Variants in PPARGC1A observed in about 807,000 individuals in gnomAD.
The protein encoded by PPARGC1A is PPARG coactivator 1 alpha, also known as peroxisome proliferator-activated receptor gamma coactivator 1-alpha.
Under a neutral mutation model 88.7 loss-of-function variants are expected in PPARGC1A, and 25 were observed. The ratio of observed to expected loss-of-function variants is 0.28; its 90% CI spans 0.21 to 0.39. The LOEUF is 0.39. Ranked by LOEUF, PPARGC1A falls within the 10% of genes least tolerant of loss-of-function variation. The pLI, the probability that PPARGC1A is intolerant of heterozygous loss-of-function variation, is 1.00. For missense variants in PPARGC1A, 880 were observed against 968.7 expected (o/e 0.91, Z 1.22); for synonymous variants, 363 against 355.6 (o/e 1.02, Z -0.24).
chr4:23,960,664 A>G, the PPARGC1A span, among the ~76,000 whole-genome samples: 201 of 152,278 alleles, frequency 1.3e-3, 1 homozygote, highest in Middle Eastern at 3.4e-3. Context: ...GAGCACCATC[A>G]TCTGGAACTG....
At chr4:24,304,584 C>A in the PPARGC1A span, among the ~76,000 whole-genome samples, 1 of 152,192 alleles carries the variant, frequency 6.6e-6, no homozygotes, top group Non-Finnish European at 1.5e-5. Context: ...GCTCCAGAGT[C>A]TATACCTGTA....
At chr4:24,425,430 C>T in the PPARGC1A span, among the ~76,000 whole-genome samples, 6 of 152,090 alleles carry the variant, frequency 3.9e-5, no homozygotes, top group Non-Finnish European at 8.8e-5. Flanking sequence ...ATTTATCCAC[C>T]ATTAGACAGT....
chr4:24,470,723 G>A, the PPARGC1A span, among the ~76,000 whole-genome samples: 1 of 151,800 alleles, frequency 6.6e-6, no homozygotes, highest in African/African-American at 2.4e-5. The surrounding 1 kb of genome is among the most constrained non-coding windows in gnomAD (Gnocchi z 5.8). Flanking sequence ...CCCACCCGCG[G>A]CGGCGGCCCG....
chr4:24,412,369 A>T, the PPARGC1A span, among the ~76,000 whole-genome samples: 1 of 152,136 alleles, frequency 6.6e-6, no homozygotes, highest in Non-Finnish European at 1.5e-5. Flanking sequence ...ACTAAAAACA[A>T]TGTTCATATT....
chr4:24,050,923 C>T, the PPARGC1A span, among the ~76,000 whole-genome samples: 372 of 152,240 alleles, frequency 2.4e-3, 3 homozygotes, highest in African/African-American at 8.2e-3. Context: ...CGCAGTGGCT[C>T]ACGCCTGTAA....
At chr4:23,887,151 C>T (rs1285354834) in intron 1 of PPARGC1A, among the ~76,000 whole-genome samples, 4 of 152,272 alleles carry the variant, frequency 2.6e-5, no homozygotes, top group African/African-American at 9.6e-5. Flanking sequence ...TGTATTGGTG[C>T]TATCTTGTCA....
At chr4:24,051,040 T>C in the PPARGC1A span, among the ~76,000 whole-genome samples, 7 of 151,400 alleles carry the variant, frequency 4.6e-5, no homozygotes, top group African/African-American at 1.7e-4. Flanking sequence ...ACAAAAAAAA[T>C]AGCCAGGCAT....
the PPARGC1A span, among the ~76,000 whole-genome samples, chr4:24,038,914 A>C: frequency 6.6e-6 from 1 of 152,172 alleles, no homozygotes; most frequent in Non-Finnish European, 1.5e-5. Context: ...CCCACAGAAC[A>C]CTGGCAGCTT....
the PPARGC1A span, among the ~76,000 whole-genome samples, chr4:24,178,630 A>G: frequency 6.6e-6 from 1 of 152,236 alleles, no homozygotes; most frequent in East Asian, 1.9e-4. Flanking sequence ...GCTAATGCAC[A>G]ATCTAAAATG....
At chr4:24,346,109 C>A in the PPARGC1A span, among the ~76,000 whole-genome samples, 4 of 152,052 alleles carry the variant, frequency 2.6e-5, no homozygotes, top group African/African-American at 9.7e-5. Context: ...TTAAACCATC[C>A]CTGCGTCCCT....
chr4:23,970,161 A>G, the PPARGC1A span, among the ~76,000 whole-genome samples: 3 of 152,330 alleles, frequency 2.0e-5, no homozygotes, highest in South Asian at 4.1e-4. Context: ...ACCTCTGTCT[A>G]AGGATTCCTG....
chr4:24,278,497 G>T, the PPARGC1A span, among the ~76,000 whole-genome samples: 1 of 152,256 alleles, frequency 6.6e-6, no homozygotes, highest in Admixed American at 6.5e-5. Context: ...ATTATAAAAG[G>T]TTATGTACAA....
At chr4:24,388,221 CAT>C in the PPARGC1A span, among the ~76,000 whole-genome samples, 1 of 150,948 alleles carries the variant, frequency 6.6e-6, no homozygotes, top group African/African-American at 2.4e-5. Flanking sequence ...GGCCAACAAA[CAT>C]ATGAAAAAAA....
At chr4:24,107,121 A>G in the PPARGC1A span, among the ~76,000 whole-genome samples, 11 of 152,260 alleles carry the variant, frequency 7.2e-5, no homozygotes, top group Non-Finnish European at 1.5e-4. Flanking sequence ...TAATTGCATC[A>G]TTTATAAACA....
the PPARGC1A span, among the ~76,000 whole-genome samples, chr4:24,472,020 C>T: frequency 2.0e-5 from 3 of 152,012 alleles, no homozygotes; most frequent in African/African-American, 7.2e-5. The surrounding 1 kb of genome is among the most constrained non-coding windows in gnomAD (Gnocchi z 4.5). Context: ...GCGCCCGCGG[C>T]GACTTGGGGA....
At chr4:24,263,951 T>A in the PPARGC1A span, among the ~76,000 whole-genome samples, 1 of 151,958 alleles carries the variant, frequency 6.6e-6, no homozygotes, top group Non-Finnish European at 1.5e-5. Context: ...GGTCTCATCA[T>A]TTTTCCCAGG....
At chr4:24,186,690 T>C in the PPARGC1A span, among the ~76,000 whole-genome samples, 7 of 152,240 alleles carry the variant, frequency 4.6e-5, no homozygotes, top group South Asian at 4.1e-4. Flanking sequence ...TGAGTACCCA[T>C]TGGAGCCACT....
At chr4:24,134,010 G>T in the PPARGC1A span, among the ~76,000 whole-genome samples, 1 of 152,134 alleles carries the variant, frequency 6.6e-6, no homozygotes. Context: ...CAGACCAGAG[G>T]CTCCTAACCT....
At chr4:24,028,800 A>G in the PPARGC1A span, among the ~76,000 whole-genome samples, 4 of 152,216 alleles carry the variant, frequency 2.6e-5, no homozygotes, top group African/African-American at 9.6e-5. Flanking sequence ...TCCCTAGTTC[A>G]TGACCAGATA....
Sources: gnomAD v4.1 joint callset for allele counts (sites outside exome capture counted in the v4.1 genomes callset) on GRCh38, gnomAD v4.1.1 for gene constraint, Gnocchi (gnomAD v3.1) non-coding constraint, MANE v1.5 for transcripts, NCBI Gene and HGNC (gene_info 2026-07-23, HGNC 2026-07-21) for gene names.